The following ANKRD11 variants were observed in gnomAD, a reference collection of about 807,000 sequenced individuals.
The protein encoded by ANKRD11 is ankyrin repeat domain-containing protein 11.
A neutral mutation model predicts 195.7 loss-of-function variants in ANKRD11; 17 were observed. That is an observed-to-expected ratio of 0.09 (90% CI 0.06 to 0.13). ANKRD11 has a LOEUF of 0.13. Among genes scored for constraint, ANKRD11 ranks in the 10% least tolerant of loss-of-function variants. The pLI is 1.00. For synonymous variants in ANKRD11, 1,953 were observed against 1,528.1 expected (o/e 1.28, Z -6.49); for missense variants, 3,735 against 3,566.1 (o/e 1.05, Z -1.21).
chr16:89,369,866 T>C (rs1339290904), intron 2 of ANKRD11, among the ~76,000 whole-genome samples: 1 of 152,220 alleles, frequency 6.6e-6, no homozygotes, highest in African/African-American at 2.4e-5. Flanking sequence ...TACAAGGGAC[T>C]GCTCCCTGTT....
chr16:89,370,298 G>A (rs375550939), intron 2 of ANKRD11, among the ~76,000 whole-genome samples: 1 of 152,202 alleles, frequency 6.6e-6, no homozygotes, highest in Non-Finnish European at 1.5e-5. Flanking sequence ...GCAGCTCTGA[G>A]GATGAGAAGA....
Position 89,285,807 on chromosome 16 carries a change from G to A in ANKRD11, c.893-158C>T, listed in dbSNP as rs1158879413. Among the ~76,000 whole-genome samples the A allele has an allele frequency of 6.6e-6, 1 of 152,230 alleles. No homozygotes were observed. Among genetic ancestry groups the A allele is most frequent in the Non-Finnish European group, 1.5e-5 (1 of 68,046 alleles). On this transcript the variant is annotated intron_variant, in intron 8 of 12. Coordinates refer to ENST00000301030, the MANE Select transcript of ANKRD11 (RefSeq NM_013275.6). This position sits in a 1 kb window ranked among gnomAD's most constrained non-coding sequence, Gnocchi z 5.6. ...ACTCATGGAAACCAGCCACAGGCAG[G>A]AGGAAACCAGACAGAGCTCAGCTGA... is the stretch of plus-strand genomic sequence containing the variant.
intron 2 of ANKRD11, among the ~76,000 whole-genome samples, chr16:89,356,463 A>C (rs1567693961): frequency 6.6e-6 from 1 of 151,988 alleles, no homozygotes; most frequent in Non-Finnish European, 1.5e-5. Context: ...GCTTGTTCCA[A>C]TGTCAGCTCT....
intron 2 of ANKRD11, among the ~76,000 whole-genome samples, chr16:89,351,189 A>AGGC (rs769626089): frequency 2.0e-5 from 3 of 152,232 alleles, no homozygotes; most frequent in African/African-American, 7.2e-5. Flanking sequence ...AAAAGCAGAG[A>AGGC]GGCGGCGGCG....
intron 2 of ANKRD11, among the ~76,000 whole-genome samples, chr16:89,415,425 C>T (rs1377154008): frequency 4.0e-5 from 6 of 150,678 alleles, no homozygotes; most frequent in Admixed American, 1.3e-4. Flanking sequence ...CCACCATGCC[C>T]GGCTAATTTT....
rs768098760 is a variant in ANKRD11, at chr16:89,280,578, G to A, written c.5964C>T (p.Pro1988=). The A allele has an allele frequency of 5.0e-5, 80 of 1,613,294 alleles. No individual in the cohort carries two copies. The highest frequency in any genetic ancestry group is 4.9e-4 in the Middle Eastern group (3 of 6,078). Residue 1988 remains proline, a synonymous_variant, in exon 9 of 13, where the codon CCC becomes CCT. Coordinates refer to ENST00000301030, the MANE Select transcript of ANKRD11 (RefSeq NM_013275.6). The part of the protein sequence containing the change: ...DLLLKSPQRF[P]ESPKRFCPAD... Reference sequence around the variant, plus strand: ...CGGGGCAGAAACGCTTTGGGGACTCGGGGAATCTCTGTGGAGACTTCAGCA... The same window carrying A: ...CGGGGCAGAAACGCTTTGGGGACTCAGGGAATCTCTGTGGAGACTTCAGCA...
intron 1 of ANKRD11, among the ~76,000 whole-genome samples, chr16:89,447,805 T>TC: frequency 9.0e-6 from 1 of 111,484 alleles, no homozygotes; most frequent in East Asian, 3.5e-4. Flanking sequence ...TAACTTTTTC[T>TC]TTTTTTTTTT....
At chr16:89,448,082 G>C (rs2043887387) in intron 1 of ANKRD11, among the ~76,000 whole-genome samples, 1 of 152,190 alleles carries the variant, frequency 6.6e-6, no homozygotes, top group African/African-American at 2.4e-5. Context: ...TGGGATTACA[G>C]GCATGGAGAG....
intron 2 of ANKRD11, among the ~76,000 whole-genome samples, chr16:89,344,646 G>A (rs1240445815): frequency 6.6e-6 from 1 of 152,182 alleles, no homozygotes; most frequent in Non-Finnish European, 1.5e-5. Flanking sequence ...GAAGAAAGAG[G>A]GCCAGAAATG....
chr16:89,369,389 C>T (rs1319197229), intron 2 of ANKRD11, among the ~76,000 whole-genome samples: 8 of 152,228 alleles, frequency 5.3e-5, no homozygotes, highest in Non-Finnish European at 1.2e-4. Context: ...CATGACCCTG[C>T]CACAGGGAGG....
At chr16:89,478,933 G>A (rs2057347939) in intron 1 of ANKRD11, among the ~76,000 whole-genome samples, 2 of 152,332 alleles carry the variant, frequency 1.3e-5, no homozygotes, top group Admixed American at 1.3e-4. Context: ...CTTGTTGGGT[G>A]TGTAAATAAT....
At position 89,316,996 on chromosome 16, in the gene ANKRD11, T is replaced by C; in HGVS notation, c.24A>G (p.Lys8=). 1 of 1,613,806 alleles carries C rather than the reference T, an allele frequency of 6.2e-7. No homozygotes were observed. Among genetic ancestry groups the C allele is most frequent in the Non-Finnish European group, 8.5e-7 (1 of 1,179,882 alleles). The change falls in exon 3 of 13, where the codon AAA becomes AAG. Residue 8 remains lysine (K), a synonymous_variant. Transcript: ENST00000301030. MPKGGCP[K]APQQEELPLS... ...GGGGAAGCTCTTCCTGCTGTGGTGC[T>C]TTAGGGCACCCACCCTTGGGCATCG... is the stretch of plus-strand genomic sequence containing the variant.
intron 1 of ANKRD11, among the ~76,000 whole-genome samples, chr16:89,484,047 A>C (rs1422107186): frequency 2.0e-5 from 3 of 152,032 alleles, no homozygotes; most frequent in African/African-American, 7.2e-5. Context: ...CTAACACTAC[A>C]AGCTCTCGAG....
intron 1 of ANKRD11, among the ~76,000 whole-genome samples, chr16:89,476,236 C>G (rs2057253715): frequency 6.6e-6 from 1 of 152,166 alleles, no homozygotes; most frequent in South Asian, 2.1e-4. Context: ...TCAAATGAAC[C>G]TATCTTTGCC....
chr16:89,447,161 T>G (rs2043830183), intron 1 of ANKRD11, among the ~76,000 whole-genome samples: 1 of 152,022 alleles, frequency 6.6e-6, no homozygotes, highest in Admixed American at 6.6e-5. Context: ...CCAACACCAG[T>G]GGCCTCCTCA....
chr16:89,371,722 G>C (rs1010585321), intron 2 of ANKRD11, among the ~76,000 whole-genome samples: 2 of 152,132 alleles, frequency 1.3e-5, no homozygotes, highest in Non-Finnish European at 2.9e-5. Context: ...TCTCGGGTGT[G>C]GAGGGCGATG....
intron 2 of ANKRD11, among the ~76,000 whole-genome samples, chr16:89,340,820 G>A (rs967415671): frequency 2.0e-5 from 3 of 152,178 alleles, no homozygotes; most frequent in African/African-American, 7.2e-5. Context: ...AAAATGTACA[G>A]GTATGTGGAC....
intron 2 of ANKRD11, among the ~76,000 whole-genome samples, chr16:89,341,938 CTCCTCCACGA>C (rs1201799133): frequency 4.6e-5 from 7 of 150,876 alleles, no homozygotes; most frequent in African/African-American, 1.7e-4. Flanking sequence ...AGTGCTGCAC[CTCCTCCACGA>C]ACAGCAGCCA....
intron 1 of ANKRD11, among the ~76,000 whole-genome samples, chr16:89,479,635 C>A (rs368776529): frequency 3.5e-5 from 5 of 144,826 alleles, no homozygotes; most frequent in Middle Eastern, 3.5e-3. Context: ...ACTCCGCCCC[C>A]AAAAAAAATT....
Sources: allele counts gnomAD v4.1 joint callset (sites outside exome capture counted in the v4.1 genomes callset), GRCh38; gene constraint gnomAD v4.1.1; non-coding constraint Gnocchi (gnomAD v3.1); transcripts MANE v1.5; gene names NCBI Gene and HGNC (gene_info 2026-07-23, HGNC 2026-07-21).